Variants in CAMK2B observed in about 807,000 individuals in gnomAD.
CAMK2B encodes calcium/calmodulin-dependent protein kinase type II subunit beta.
A neutral mutation model predicts 93.7 loss-of-function variants in CAMK2B; 27 were observed. The ratio of observed to expected loss-of-function variants is 0.29; its 90% CI spans 0.21 to 0.40. The LOEUF (loss-of-function observed/expected upper bound fraction) is 0.40, where lower values mean the gene tolerates loss of function less well. CAMK2B is among the 10% of genes least tolerant of loss of function. The pLI is 1.00. For synonymous variants in CAMK2B, 374 were observed against 358.8 expected (o/e 1.04, Z -0.48); for missense variants, 568 against 895.8 (o/e 0.63, Z 4.67).
intron 15 of CAMK2B, 130 bp from the exon 16 acceptor site, chr7:44,232,996 C>A: frequency 1.3e-6 from 1 of 793,130 alleles, no homozygotes; most frequent in South Asian, 1.5e-5. Context: ...GAAAGAAGTG[C>A]AGAGCAGAGT....
At chr7:44,236,336 C>T (rs2096625933) in intron 13 of CAMK2B, among the ~76,000 whole-genome samples, 1 of 152,230 alleles carries the variant, frequency 6.6e-6, no homozygotes, top group African/African-American at 2.4e-5. Flanking sequence ...TGGGCACACA[C>T]TTTCTATTCC....
At chr7:44,262,375 C>G (rs2096886181) in intron 3 of CAMK2B, among the ~76,000 whole-genome samples, 1 of 152,234 alleles carries the variant, frequency 6.6e-6, no homozygotes, top group Admixed American at 6.5e-5. Context: ...GCTCCAGGCT[C>G]CAGATACCCC....
chr7:44,309,837 GTCC>G (rs1793017463), intron 1 of CAMK2B, among the ~76,000 whole-genome samples: 1 of 152,256 alleles, frequency 6.6e-6, no homozygotes, highest in Non-Finnish European at 1.5e-5. Flanking sequence ...CTCGGCGTCC[GTCC>G]GCGCAGCCTT....
At chr7:44,321,298 C>T (rs903590676) in intron 1 of CAMK2B, among the ~76,000 whole-genome samples, 14 of 152,126 alleles carry the variant, frequency 9.2e-5, no homozygotes, top group Non-Finnish European at 1.6e-4. Context: ...ACAGTGATGC[C>T]CCCGCGAGCG....
intron 3 of CAMK2B, among the ~76,000 whole-genome samples, chr7:44,262,736 T>C (rs1435271346): frequency 6.6e-6 from 1 of 152,094 alleles, no homozygotes; most frequent in Admixed American, 6.5e-5. Flanking sequence ...GAAAGGGACC[T>C]GTCCAGTCGG....
intron 2 of CAMK2B, among the ~76,000 whole-genome samples, chr7:44,274,108 C>T (rs1294076795): frequency 6.6e-6 from 1 of 152,196 alleles, no homozygotes; most frequent in Non-Finnish European, 1.5e-5. Context: ...GAGGCCCTCA[C>T]ATTCACCCAC....
At chr7:44,288,119 G>A (rs4072584) in intron 1 of CAMK2B, among the ~76,000 whole-genome samples, 31,926 of 152,114 alleles carry the variant, frequency 0.21, 4,112 homozygotes, top group Middle Eastern at 0.31. Context: ...AGGCTTCCAG[G>A]GCCTGTGGGT....
rs150925673 is a variant in CAMK2B, at chr7:44,282,100, G to A, written c.160+2031C>T. 2.6e-5 allele frequency among the ~76,000 whole-genome samples: 4 copies of A among 152,310 alleles called. No individual in the cohort carries two copies. The East Asian group carries it at 7.7e-4, about 29-fold the overall frequency. Reference sequence around the variant, plus strand: ...TGTGAACATGCACAGGTACGCTCACGCACACATAGACCTCCTCTCCATGGC... The same window carrying A: ...TGTGAACATGCACAGGTACGCTCACACACACATAGACCTCCTCTCCATGGC... On this transcript the variant is annotated intron_variant, in intron 2 of 23. Coordinates refer to ENST00000395749, the MANE Select transcript of CAMK2B (RefSeq NM_001220.5).
chr7:44,310,651 G>T (rs987122235), intron 1 of CAMK2B, among the ~76,000 whole-genome samples: 6 of 152,326 alleles, frequency 3.9e-5, no homozygotes, highest in African/African-American at 1.4e-4. Context: ...GCTGACACAG[G>T]CTACAACATG....
At position 44,225,975 on chromosome 7, in the gene CAMK2B, C is replaced by A; in HGVS notation, c.1597+541G>T. 5.0e-6 allele frequency: 6 copies of A among 1,201,190 alleles called. No individual in the cohort carries two copies. Among genetic ancestry groups the A allele is most frequent in the Non-Finnish European group, 6.5e-6 (6 of 925,632 alleles). 74.4% of individuals were successfully genotyped at this position (1,201,190 alleles called of 1,614,324 possible). ...CTCCCTGGCCGGGGAGGCTGCCCAG[C>A]CTGTGCTTCCTGTCCCGCCCGCTCT... On this transcript the variant is annotated intron_variant, in intron 20 of 23. Transcript: ENST00000395749. This position sits in a 1 kb window ranked among gnomAD's most constrained non-coding sequence, Gnocchi z 5.0.
chr7:44,266,482 A>G (rs7796267), intron 2 of CAMK2B, among the ~76,000 whole-genome samples: 33,772 of 152,218 alleles, frequency 0.22, 3,953 homozygotes, highest in Non-Finnish European at 0.27. Context: ...CGGAATCTGG[A>G]GGAACCTCCA....
At chr7:44,251,329 G>C (rs948863607) in intron 5 of CAMK2B, among the ~76,000 whole-genome samples, 15 of 152,150 alleles carry the variant, frequency 9.9e-5, no homozygotes, top group Non-Finnish European at 2.9e-5. Flanking sequence ...TGTTGGGTAG[G>C]GGCCCACGGG....
chr7:44,258,419 A>C (rs1380225421), intron 4 of CAMK2B, among the ~76,000 whole-genome samples: 2 of 152,210 alleles, frequency 1.3e-5, no homozygotes, highest in African/African-American at 2.4e-5. Context: ...GCAAACACCC[A>C]CACACATACA....
rs749355162 is a variant in CAMK2B, at chr7:44,228,761, C to T, written c.1468+35G>A. 16 of 1,437,118 alleles carry T rather than the reference C, an allele frequency of 1.1e-5. No homozygotes were observed. The East Asian group carries it at 4.1e-4, about 37-fold the overall frequency. The allele number at this position is 1,437,118 out of a possible 1,614,324, so 89.0% of individuals were successfully genotyped here. On this transcript the variant is annotated intron_variant, in intron 19 of 23. Transcript: ENST00000395749. ...CGGCCATTCGCAGGGAGCTGTCCGG[C>T]AGCAGAGGCGGCAGGCCTGGGGGCC...
At chr7:44,270,930 C>A (rs910378566) in intron 2 of CAMK2B, among the ~76,000 whole-genome samples, 1 of 151,952 alleles carries the variant, frequency 6.6e-6, no homozygotes, top group Admixed American at 6.6e-5. Context: ...CTTTTCTTTT[C>A]TTTTTTTTGA....
chr7:44,322,522 A>T (rs1313459131), intron 1 of CAMK2B, among the ~76,000 whole-genome samples: 1 of 152,078 alleles, frequency 6.6e-6, no homozygotes, highest in Non-Finnish European at 1.5e-5. Context: ...TATCCAATAT[A>T]AAAAAAATAA....
chr7:44,241,450 C>T (rs530042602), intron 11 of CAMK2B, among the ~76,000 whole-genome samples: 2 of 152,364 alleles, frequency 1.3e-5, no homozygotes, highest in African/African-American at 4.8e-5. Flanking sequence ...TTCAGGACAG[C>T]TCCTCCAAGG....
chr7:44,255,016 C>A (rs1584267480), intron 4 of CAMK2B, among the ~76,000 whole-genome samples: 4 of 151,882 alleles, frequency 2.6e-5, no homozygotes, highest in African/African-American at 7.3e-5. Context: ...TACACCCAGG[C>A]CTTGTGACTC....
chr7:44,281,581 G>A (rs1258208184), intron 2 of CAMK2B, among the ~76,000 whole-genome samples: 1 of 152,128 alleles, frequency 6.6e-6, no homozygotes, highest in African/African-American at 2.4e-5. Context: ...ACCCTGGCCA[G>A]GCCTCTCGGC....
Sources: allele counts gnomAD v4.1 joint callset (sites outside exome capture counted in the v4.1 genomes callset), GRCh38; gene constraint gnomAD v4.1.1; non-coding constraint Gnocchi (gnomAD v3.1); transcripts MANE v1.5; gene names NCBI Gene and HGNC (gene_info 2026-07-23, HGNC 2026-07-21).